Variants in VMA12 observed in about 807,000 individuals in gnomAD.
VMA12 encodes vacuolar ATPase assembly factor VMA12, also known as vacuolar ATPase assembly protein VMA12.
At chr17:28,359,400 G>A in the VMA12 span, 2 of 1,613,876 alleles carry the variant, frequency 1.2e-6, no homozygotes, top group Non-Finnish European at 1.7e-6. Flanking sequence ...AACGTCACTT[G>A]TCAGGTAAGG....
chr17:28,362,379 G>T, the VMA12 span: 2 of 152,142 alleles, frequency 1.3e-5, no homozygotes, highest in Non-Finnish European at 2.9e-5. Context: ...AAGCTACACT[G>T]GGCCAGGTGA....
chr17:28,361,226 A>G, the VMA12 span: 2 of 1,614,130 alleles, frequency 1.2e-6, no homozygotes, highest in Non-Finnish European at 1.7e-6. Context: ...GGTGCGGGCA[A>G]TGGAAGGCGA....
the VMA12 span, chr17:28,362,241 A>G: frequency 6.6e-6 from 1 of 151,538 alleles, no homozygotes; most frequent in Non-Finnish European, 1.5e-5. Flanking sequence ...TCATTCACTC[A>G]GTGGACACTT....
At chr17:28,360,906 G>A in the VMA12 span, 1 of 1,433,774 alleles carries the variant, frequency 7.0e-7, no homozygotes. Flanking sequence ...GGGTAAGGGA[G>A]GACGTATGTG....
chr17:28,360,877 C>T, the VMA12 span: 4 of 1,594,976 alleles, frequency 2.5e-6, no homozygotes, highest in South Asian at 4.4e-5. Context: ...GGCAGGGTGC[C>T]CCTGGTGGGG....
chr17:28,358,261 C>G, the VMA12 span: 1 of 402,426 alleles, frequency 2.5e-6, no homozygotes. Context: ...ACCTCAAAAG[C>G]AAGAGTGGTG....
chr17:28,358,896 G>T, the VMA12 span: 1 of 1,600,016 alleles, frequency 6.2e-7, no homozygotes, highest in Admixed American at 1.8e-5. Context: ...CATTGTGTTT[G>T]TGAAACCTTT....
chr17:28,361,422 C>T, the VMA12 span: 2 of 620,040 alleles, frequency 3.2e-6, no homozygotes, highest in Non-Finnish European at 5.7e-6. Flanking sequence ...CTGTGAATTT[C>T]CAAAGGGAGC....
chr17:28,362,833 G>A, the VMA12 span: 1 of 152,146 alleles, frequency 6.6e-6, no homozygotes, highest in African/African-American at 2.4e-5. Flanking sequence ...GCACTGGGAG[G>A]GGAGAACCAA....
the VMA12 span, chr17:28,357,727 G>A: frequency 1.2e-6 from 2 of 1,613,408 alleles, no homozygotes; most frequent in Non-Finnish European, 8.5e-7. Context: ...GCCCCGGCGG[G>A]GAGCTGGAGC....
At chr17:28,362,412 A>T in the VMA12 span, 2 of 152,212 alleles carry the variant, frequency 1.3e-5, no homozygotes, top group Non-Finnish European at 2.9e-5. Flanking sequence ...CTGTAATCGT[A>T]GCATTTTGGG....
the VMA12 span, chr17:28,360,617 G>T: frequency 6.2e-7 from 1 of 1,610,230 alleles, no homozygotes; most frequent in Non-Finnish European, 8.5e-7. Context: ...TCCTGAGATG[G>T]GTCATGACAC....
the VMA12 span, chr17:28,360,736 G>A: frequency 1.2e-6 from 2 of 1,614,054 alleles, no homozygotes; most frequent in East Asian, 4.5e-5. Flanking sequence ...TCCCCAAAGT[G>A]AGATCATTGA....
At chr17:28,360,752 C>G in the VMA12 span, 47 of 1,613,968 alleles carry the variant, frequency 2.9e-5, no homozygotes, top group Non-Finnish European at 3.5e-5. Flanking sequence ...ATTGAAGGCT[C>G]TGGTCATCAC....
the VMA12 span, chr17:28,357,906 G>C: frequency 6.2e-7 from 1 of 1,612,452 alleles, no homozygotes; most frequent in African/African-American, 1.3e-5. Context: ...CCAGTCCGGG[G>C]TCCCCTCCTT....
the VMA12 span, chr17:28,358,307 A>T: frequency 3.1e-5 from 13 of 424,988 alleles, no homozygotes; most frequent in African/African-American, 2.3e-4. Context: ...TTGTTTTTTT[A>T]ATATAGGATG....
the VMA12 span, chr17:28,361,159 G>C: frequency 1.2e-6 from 2 of 1,614,106 alleles, no homozygotes; most frequent in Non-Finnish European, 1.7e-6. Flanking sequence ...ATCTCCAGCG[G>C]GTGCTAGCTG....
chr17:28,357,781 G>C, the VMA12 span: 2 of 1,613,822 alleles, frequency 1.2e-6, no homozygotes, highest in Non-Finnish European at 8.5e-7. Context: ...TTGAGGCCGC[G>C]CTGGGGAAGA....
the VMA12 span, chr17:28,360,923 C>T: frequency 7.9e-7 from 1 of 1,272,572 alleles, no homozygotes; most frequent in East Asian, 2.3e-5. Flanking sequence ...TGTGAAAGTG[C>T]CTTGCACAGG....
Sources: gnomAD v4.1 joint callset for allele counts on GRCh38, gnomAD v4.1.1 for gene constraint, MANE v1.5 for transcripts, NCBI Gene and HGNC (gene_info 2026-07-23, HGNC 2026-07-21) for gene names.